Variants in PDE10A observed in about 807,000 individuals in gnomAD.
PDE10A encodes the protein phosphodiesterase 10A.
A neutral mutation model predicts 97.7 loss-of-function variants in PDE10A; 39 were observed. The observed-to-expected ratio is 0.40, with a 90% CI of 0.31 to 0.52. The LOEUF (loss-of-function observed/expected upper bound fraction) is 0.52, where lower values mean the gene tolerates loss of function less well. Among genes scored for constraint, PDE10A ranks in the 20% least tolerant of loss-of-function variants. The pLI is 0.56. For synonymous variants in PDE10A, 371 were observed against 376.8 expected, an observed-to-expected ratio of 0.98 and a Z score of 0.18; for missense variants, 731 against 1,047.8, an observed-to-expected ratio of 0.70 and a Z score of 4.17.
At chr6:165,824,968 T>TAAAAAAAAAAAAAA (rs71890265) in intron 1 of PDE10A, among the ~76,000 whole-genome samples, 1 of 92,388 alleles carries the variant, frequency 1.1e-5, no homozygotes, top group African/African-American at 4.7e-5. Flanking sequence ...CCGTCTCTAC[T>TAAAAAAAAAAAAAA]AAAAAAAAAA....
rs965229216 is a variant in PDE10A at position 165,891,957 on chromosome 6, T to C, written c.-615+95572A>G. Among the ~76,000 whole-genome samples, 8 of 61,158 alleles carry C rather than the reference T, an allele frequency of 1.3e-4. No individual in the cohort carries two copies. The South Asian group carries it at 3.6e-3, about 28-fold the overall frequency. 40.1% of individuals were successfully genotyped at this position (61,158 alleles called of 152,430 possible). ...TGGAGAAAACACCTTGGACTTTTTT[T>C]TTTTTTAATGTGATGAAGTTTTGCA... is the stretch of plus-strand genomic sequence containing the variant. On this transcript the variant is annotated intron_variant, in intron 1 of 19. Transcript: ENST00000366882.
At chr6:165,361,773 T>G (rs2128193346) in intron 18 of PDE10A, among the ~76,000 whole-genome samples, 1 of 152,246 alleles carries the variant, frequency 6.6e-6, no homozygotes, top group African/African-American at 2.4e-5. Flanking sequence ...GAGAGAAACA[T>G]TGAACTTACT....
intron 1 of PDE10A, among the ~76,000 whole-genome samples, chr6:165,813,149 G>A (rs1479918189): frequency 1.3e-5 from 2 of 152,188 alleles, no homozygotes; most frequent in Non-Finnish European, 1.5e-5. Context: ...GGAGGTTAAG[G>A]AAATGGCTAG....
chr6:165,551,747 A>T lies in PDE10A; in HGVS notation c.866-8179T>A, dbSNP rs909533949. Among the ~76,000 whole-genome samples the T allele has an allele frequency of 7.9e-5, 12 of 152,202 alleles. 1 individual carries two copies. The highest frequency in any genetic ancestry group is 7.9e-4 in the Admixed American group (12 of 15,280). On this transcript the variant is annotated intron_variant, in intron 1 of 21. Transcript: ENST00000539869. ...CAGGGCTAGCTCCAATTTGGAATTA[A>T]AATTTACACGTTTTTACCTCAAATT...
chr6:165,594,346 G>A (rs1310686205), intron 1 of PDE10A, among the ~76,000 whole-genome samples: 1 of 152,136 alleles, frequency 6.6e-6, no homozygotes, highest in Non-Finnish European at 1.5e-5. Context: ...TTGAAAGAAC[G>A]CATACTGGCC....
intron 1 of PDE10A, among the ~76,000 whole-genome samples, chr6:165,749,548 T>C (rs1454176000): frequency 8.8e-6 from 1 of 113,020 alleles, no homozygotes; most frequent in Non-Finnish European, 1.9e-5. Context: ...TACAATAAAG[T>C]TAGTAATGAA....
At position 165,418,765 on chromosome 6, in the gene PDE10A, T is replaced by C; in HGVS notation, c.1666A>G (p.Asn556Asp). 6.2e-7 allele frequency: 1 copy of C among 1,613,310 alleles called. No homozygotes were observed. The highest frequency in any genetic ancestry group is 8.5e-7 in the Non-Finnish European group (1 of 1,179,714). Residue 556 changes from asparagine (N) to aspartate (D), a missense_variant, in exon 11 of 22, where the codon AAC (asparagine) becomes GAC (aspartate). Physicochemically the swap from Asn to Asp is conservative, Grantham distance 23 (BLOSUM62 1). Around this residue, in one of 8 missense-constraint regions of PDE10A, gnomAD observed 108 missense variants for 199.8 expected, o/e 0.54. Transcript: ENST00000539869. The surrounding 1 kb of genome is among the most constrained non-coding windows in gnomAD (Gnocchi z 4.8). ...GCACAACGATCGGCATTCACCAGGT[T>C]TTTTGCATATATCTAAAGACAAATG... ...LLEHIMIYAK[N>D]LVNADRCALF...
intron 3 of PDE10A, among the ~76,000 whole-genome samples, chr6:165,464,063 CTGAAGGCTGT>C (rs761405814): frequency 6.6e-6 from 1 of 152,198 alleles, no homozygotes; most frequent in Non-Finnish European, 1.5e-5. Context: ...GATCTCAGCT[CTGAAGGCTGT>C]GAGACCCCTG....
Position 165,490,757 on chromosome 6 carries a change from C to G in PDE10A, c.995-8414G>C, listed in dbSNP as rs184604994. On this transcript the variant is annotated intron_variant, in intron 2 of 21. Coordinates refer to ENST00000539869, the MANE Select transcript of PDE10A (RefSeq NM_001385079.1). The stretch of plus-strand genomic sequence containing the variant: ...ATCATTTGAGGACAGGAGTTCAAGA[C>G]CAGCCTGGCCAACATGGGGAAACCC... Among the ~76,000 whole-genome samples, 13 of 152,252 alleles carry G rather than the reference C, an allele frequency of 8.5e-5. No homozygotes were observed. In the East Asian group the frequency reaches 2.5e-3, roughly 29 times the overall value.
intron 1 of PDE10A, among the ~76,000 whole-genome samples, chr6:165,916,527 CG>C (rs985238385): frequency 4.5e-4 from 69 of 151,874 alleles, no homozygotes; most frequent in African/African-American, 1.6e-3. Context: ...CTGTGTCTTA[CG>C]GGACAACACT....
intron 2 of PDE10A, among the ~76,000 whole-genome samples, chr6:165,507,180 A>C (rs556407624): frequency 6.6e-6 from 1 of 152,218 alleles, no homozygotes; most frequent in East Asian, 1.9e-4. Flanking sequence ...GTTAGGGCTC[A>C]GACATGCTGG....
At chr6:165,375,352 T>C (rs560085539) in intron 18 of PDE10A, among the ~76,000 whole-genome samples, 5 of 152,304 alleles carry the variant, frequency 3.3e-5, no homozygotes, top group South Asian at 2.1e-4. Context: ...GTTTTAGTAA[T>C]CTGGATAGAA....
At chr6:165,484,634 G>A (rs1392011872) in intron 2 of PDE10A, among the ~76,000 whole-genome samples, 1 of 152,154 alleles carries the variant, frequency 6.6e-6, no homozygotes, top group African/African-American at 2.4e-5. Flanking sequence ...AGAGACCACA[G>A]GAAATTAACT....
intron 1 of PDE10A, among the ~76,000 whole-genome samples, chr6:165,892,930 C>A (rs894395120): frequency 6.6e-6 from 1 of 152,162 alleles, no homozygotes; most frequent in Non-Finnish European, 1.5e-5. Context: ...CTCGCTCCAG[C>A]CTTTCTGACC....
At chr6:165,545,428 T>C (rs1403876977) in intron 1 of PDE10A, among the ~76,000 whole-genome samples, 1 of 152,122 alleles carries the variant, frequency 6.6e-6, no homozygotes, top group African/African-American at 2.4e-5. Context: ...TCCCAGAAAC[T>C]GAGGCTGAAA....
At chr6:165,411,160 C>T (rs1209470744) in intron 13 of PDE10A, among the ~76,000 whole-genome samples, 1 of 147,884 alleles carries the variant, frequency 6.8e-6, no homozygotes, top group African/African-American at 2.5e-5. Context: ...ATACCCAGGT[C>T]ATGAGAGACA....
intron 13 of PDE10A, among the ~76,000 whole-genome samples, chr6:165,409,888 G>GTTTTTT (rs58019647): frequency 4.3e-5 from 6 of 140,510 alleles, no homozygotes; most frequent in Admixed American, 1.4e-4. Flanking sequence ...CTTTTCAGAA[G>GTTTTTT]TTTTTTTTTT....
At chr6:165,535,344 T>G (rs481838) in intron 2 of PDE10A, among the ~76,000 whole-genome samples, 78,408 of 151,490 alleles carry the variant, frequency 0.52, 24,612 homozygotes, top group Non-Finnish European at 0.68. Flanking sequence ...CCTGTACCCA[T>G]TAAGTAAATT....
intron 1 of PDE10A, among the ~76,000 whole-genome samples, chr6:165,925,938 A>AGCAGACTG (rs1782919054): frequency 6.6e-6 from 1 of 152,266 alleles, no homozygotes; most frequent in Admixed American, 6.5e-5. Context: ...TGATTACCAT[A>AGCAGACTG]GCAGACTGTA....
Sources: gnomAD v4.1 joint callset for allele counts (sites outside exome capture counted in the v4.1 genomes callset) on GRCh38, gnomAD v4.1.1 for gene constraint, gnomAD v4.1.1 regional missense constraint, Gnocchi (gnomAD v3.1) non-coding constraint, MANE v1.5 for transcripts, NCBI Gene and HGNC (gene_info 2026-07-23, HGNC 2026-07-21) for gene names.